COL4A1: variants seen among roughly 807,000 people sequenced by gnomAD.
COL4A1 encodes collagen type IV alpha 1 chain.
COL4A1 carries 40 observed loss-of-function variants against 216.6 expected under a neutral mutation model. The ratio of observed to expected loss-of-function variants is 0.18; its 90% CI spans 0.14 to 0.24. The LOEUF is 0.24. Among genes scored for constraint, COL4A1 ranks in the 10% least tolerant of loss-of-function variants. COL4A1 has a pLI of 1.00. For missense variants in COL4A1, 1,628 were observed against 2,196.8 expected, an observed-to-expected ratio of 0.74 and a Z score of 5.18; for synonymous variants, 839 against 810.7, an observed-to-expected ratio of 1.03 and a Z score of -0.59.
At chr13:110,243,507 T>C (rs368514538) in intron 1 of COL4A1, among the ~76,000 whole-genome samples, 6 of 152,262 alleles carry the variant, frequency 3.9e-5, no homozygotes, top group South Asian at 4.1e-4. Flanking sequence ...TTAGTAGAGA[T>C]GGGGTTTCAT....
intron 19 of COL4A1, 192 bp downstream of exon 19, chr13:110,201,246 G>A: frequency 6.8e-6 from 4 of 584,032 alleles, no homozygotes; most frequent in Non-Finnish European, 1.2e-5. Flanking sequence ...AGAGAAGGAG[G>A]AGGAGGAGGA....
At chr13:110,296,595 T>C (rs1884284913) in intron 1 of COL4A1, among the ~76,000 whole-genome samples, 1 of 152,196 alleles carries the variant, frequency 6.6e-6, no homozygotes, top group Non-Finnish European at 1.5e-5. Flanking sequence ...TTTCCCCACA[T>C]ACCAAGCAAG....
intron 2 of COL4A1, among the ~76,000 whole-genome samples, chr13:110,233,105 C>T (rs1881141291): frequency 6.6e-6 from 1 of 152,064 alleles, no homozygotes; most frequent in Admixed American, 6.6e-5. Context: ...CTTCCAGGGG[C>T]TTTTCTAGGG....
At chr13:110,286,411 G>A (rs887490150) in intron 1 of COL4A1, among the ~76,000 whole-genome samples, 1 of 152,192 alleles carries the variant, frequency 6.6e-6, no homozygotes, top group African/African-American at 2.4e-5. Flanking sequence ...CCCGCTGTCC[G>A]GTCAGGCCCA....
rs1201989447 is a variant in COL4A1 at position 110,164,997 on chromosome 13, G to A, written c.4022-7C>T. The A allele has an allele frequency of 4.4e-6, 7 of 1,602,932 alleles. No individual in the cohort carries two copies. Among genetic ancestry groups the A allele is most frequent in the East Asian group, 2.2e-5 (1 of 44,516 alleles). ...CCAGGAGGACCCGGGAGACCTGTGGGAATAGGGAAGGCATTGATCAATTTC... is the reference window on the plus strand; with the variant it reads ...CCAGGAGGACCCGGGAGACCTGTGGAAATAGGGAAGGCATTGATCAATTTC... On this transcript the variant is annotated splice_polypyrimidine_tract_variant and splice_region_variant and intron_variant, in intron 45 of 51. Transcript: ENST00000375820.
chr13:110,178,808 C>A (rs1878007234), intron 31 of COL4A1, 115 bp downstream of exon 31: 2 of 788,908 alleles, frequency 2.5e-6, no homozygotes, highest in South Asian at 3.2e-5. Context: ...ATTTTTTTCT[C>A]TTTTTATCTC....
intron 48 of COL4A1, chr13:110,161,897 C>T (rs1877103304): frequency 2.5e-6 from 1 of 393,618 alleles, no homozygotes; most frequent in African/African-American, 2.0e-5. Context: ...TAAGCCGCAT[C>T]AATGCAAATT....
rs563560182 is a variant in COL4A1 at position 110,245,755 on chromosome 13, T to C, written c.85-3021A>G. Among the ~76,000 whole-genome samples the C allele has an allele frequency of 4.1e-3, 624 of 152,296 alleles. 6 individuals carry two copies. Among genetic ancestry groups the C allele is most frequent in the African/African-American group, 0.014 (593 of 41,558 alleles). ...ATAAGAGGCTGCAAGGCTGTGACTG[T>C]GGACCCTCGGGTCAAGACGCTTCTT... On this transcript the variant is annotated intron_variant, in intron 1 of 51. Transcript: ENST00000375820.
At chr13:110,178,893 A>C in intron 31 of COL4A1, 30 bp downstream of exon 31, 1 of 1,555,480 alleles carries the variant, frequency 6.4e-7, no homozygotes, top group Non-Finnish European at 8.8e-7. Flanking sequence ...TGCTTTTGGG[A>C]ACAGATAATT....
chr13:110,180,736 C>A (rs977932137), intron 29 of COL4A1, among the ~76,000 whole-genome samples: 3 of 152,228 alleles, frequency 2.0e-5, no homozygotes, highest in Admixed American at 6.5e-5. Flanking sequence ...CAAGCCGGGG[C>A]AATCTGATCG....
At chr13:110,231,480 G>GC (rs997519828) in intron 2 of COL4A1, among the ~76,000 whole-genome samples, 14 of 152,178 alleles carry the variant, frequency 9.2e-5, no homozygotes, top group African/African-American at 3.1e-4. Context: ...GCCCTTCCCT[G>GC]CCCCCTGCAG....
chr13:110,203,292 T>C (rs947653441), intron 18 of COL4A1, among the ~76,000 whole-genome samples: 1 of 152,138 alleles, frequency 6.6e-6, no homozygotes, highest in East Asian at 1.9e-4. Context: ...TTTAAAGATG[T>C]GCAGAAATTA....
intron 15 of COL4A1, among the ~76,000 whole-genome samples, chr13:110,205,988 C>T (rs899057012): frequency 1.3e-5 from 2 of 152,000 alleles, no homozygotes; most frequent in African/African-American, 4.8e-5. Flanking sequence ...TGTAAGTTGA[C>T]AATACCACAA....
intron 2 of COL4A1, among the ~76,000 whole-genome samples, chr13:110,237,165 G>T (rs897801080): frequency 1.3e-5 from 2 of 152,156 alleles, no homozygotes; most frequent in Non-Finnish European, 2.9e-5. Context: ...CAGTGGGTCC[G>T]CCACAGAGTC....
rs113994108 is a variant in COL4A1, at chr13:110,181,326, C to T, written c.2159G>A (p.Gly720Asp). The T allele has an allele frequency of 6.2e-7, 1 of 1,613,960 alleles. No individual in the cohort carries two copies. The highest frequency in any genetic ancestry group is 8.5e-7 in the Non-Finnish European group (1 of 1,179,936). ...PGTPGRPGFN[G>D]LPGNPGVQGQ... is the part of the protein sequence containing the mutation. The stretch of plus-strand genomic sequence containing the variant: ...CTGCACACCTGGGTTCCCAGGTAAG[C>T]CATTAAATCCCGGGCGACCTGGAGT... The change falls in exon 29 of 52, where the codon GGC becomes GAC. Residue 720 changes from glycine to aspartate, a missense_variant. Coordinates refer to ENST00000375820, the MANE Select transcript of COL4A1 (RefSeq NM_001845.6).
chr13:110,305,352 G>A (rs1253245526), intron 1 of COL4A1, among the ~76,000 whole-genome samples: 2 of 152,234 alleles, frequency 1.3e-5, no homozygotes, highest in Non-Finnish European at 2.9e-5. Context: ...GGTGAGAACA[G>A]GATTTGCGTA....
rs183010007 is a variant in COL4A1, at chr13:110,256,140, C to T, written c.85-13406G>A. 2.6e-3 allele frequency among the ~76,000 whole-genome samples: 392 copies of T among 152,198 alleles called. 3 individuals carry two copies. Among genetic ancestry groups the T allele is most frequent in the African/African-American group, 9.1e-3 (377 of 41,494 alleles). ...AAAATCTTGCCTAACATTTCAGCCT[C>T]CTCCCCATGAAATCTCCGGCTAGAG... On this transcript the variant is annotated intron_variant, in intron 1 of 51. Coordinates refer to ENST00000375820, the MANE Select transcript of COL4A1 (RefSeq NM_001845.6).
intron 1 of COL4A1, among the ~76,000 whole-genome samples, chr13:110,262,299 G>T (rs967001631): frequency 1.3e-5 from 2 of 152,164 alleles, no homozygotes; most frequent in Non-Finnish European, 2.9e-5. Context: ...ACCGCCCAGG[G>T]CAGGACCCAG....
chr13:110,233,012 A>G (rs1395139661), intron 2 of COL4A1, among the ~76,000 whole-genome samples: 1 of 152,178 alleles, frequency 6.6e-6, no homozygotes, highest in East Asian at 1.9e-4. Context: ...ATGTGTGTGT[A>G]TCAGTGACGT....
Sources: allele counts gnomAD v4.1 joint callset (sites outside exome capture counted in the v4.1 genomes callset), GRCh38; gene constraint gnomAD v4.1.1; transcripts MANE v1.5; gene names NCBI Gene and HGNC (gene_info 2026-07-23, HGNC 2026-07-21).